Variants in CPEB1 observed in about 807,000 individuals in gnomAD.
CPEB1 encodes the protein cytoplasmic polyadenylation element binding protein 1.
CPEB1 carries 7 observed loss-of-function variants against 65.8 expected under a neutral mutation model. The ratio of observed to expected loss-of-function variants is 0.11; its 90% CI spans 0.06 to 0.20. The LOEUF is 0.20. Among genes scored for constraint, CPEB1 ranks in the 10% least tolerant of loss-of-function variants. The pLI is 1.00. For synonymous variants in CPEB1, 262 were observed against 260.0 expected (o/e 1.01, Z -0.08); for missense variants, 551 against 712.2 (o/e 0.77, Z 2.58).
chr15:82,572,422 C>T lies in CPEB1; in HGVS notation c.272-890G>A, dbSNP rs542816068. On this transcript the variant is annotated intron_variant, in intron 3 of 12. Transcript: ENST00000684509. ...AGTGGGGGAGAGTCACTGGGCTGTT[C>T]CAGGTACACCTCAAAGGACATGGCC... 6.6e-5 allele frequency among the ~76,000 whole-genome samples: 10 copies of T among 152,212 alleles called. No homozygotes were observed. In the South Asian group the frequency reaches 1.9e-3, roughly 28 times the overall value.
At chr15:82,571,301 C>A (rs1241531887) in intron 4 of CPEB1, 43 bp downstream of exon 4, 1 of 1,581,994 alleles carries the variant, frequency 6.3e-7, no homozygotes, top group South Asian at 1.2e-5. Context: ...TCACCACCCC[C>A]ATGCATCCCC....
intron 4 of CPEB1, among the ~76,000 whole-genome samples, chr15:82,558,719 A>G (rs1002537125): frequency 3.9e-5 from 6 of 152,142 alleles, no homozygotes; most frequent in Admixed American, 1.3e-4. Context: ...CAACTATTTC[A>G]TGACATTGTT....
intron 3 of CPEB1, among the ~76,000 whole-genome samples, chr15:82,591,476 A>G (rs1199913762): frequency 2.0e-5 from 3 of 152,180 alleles, no homozygotes. Flanking sequence ...ATGTTTGGCC[A>G]GGCTGGTCTC....
intron 1 of CPEB1, among the ~76,000 whole-genome samples, chr15:82,634,521 T>TTCAA (rs2046501963): frequency 6.6e-6 from 1 of 152,192 alleles, no homozygotes; most frequent in African/African-American, 2.4e-5. Context: ...CTGAAGACCC[T>TTCAA]TCAAGACTAT....
At chr15:82,581,792 G>A (rs545826435) in intron 3 of CPEB1, among the ~76,000 whole-genome samples, 1 of 152,164 alleles carries the variant, frequency 6.6e-6, no homozygotes, top group Admixed American at 6.5e-5. Flanking sequence ...TTGTTGAATT[G>A]CCATCCAAGT....
intron 1 of CPEB1, chr15:82,640,582 C>G (rs771904919): frequency 6.6e-6 from 1 of 152,160 alleles, no homozygotes; most frequent in Non-Finnish European, 1.5e-5. Flanking sequence ...TTTTACCTGC[C>G]TACTTCTGAT....
rs759530064 is a variant in CPEB1, at chr15:82,549,615, C to T, written c.1325G>A (p.Arg442Gln). Residue 442 changes from arginine to glutamine, a missense_variant, in exon 10 of 13, where the codon CGG becomes CAG. By Grantham distance (43) the Arg-to-Gln change is conservative (BLOSUM62 1). This residue lies in a region of CPEB1 where 99 missense variants were observed against 161.3 expected (regional missense o/e 0.61). Coordinates refer to ENST00000684509, the MANE Select transcript of CPEB1 (RefSeq NM_001365242.1). The part of the protein sequence containing the change: ...PWVLADSNFV[R>Q]SPSQRLDPSR... ...GGGGTCAAGCCTCTGAGATGGGCTC[C>T]GGACAAAGTTACTGTCGGCTAATAC... 15 of 1,614,150 alleles carry T rather than the reference C, an allele frequency of 9.3e-6. No individual in the cohort carries two copies. Among genetic ancestry groups the T allele is most frequent in the Non-Finnish European group, 1.1e-5 (13 of 1,180,032 alleles).
chr15:82,591,950 C>T (rs1430356678), intron 3 of CPEB1, among the ~76,000 whole-genome samples: 1 of 151,520 alleles, frequency 6.6e-6, no homozygotes, highest in African/African-American at 2.4e-5. Flanking sequence ...TTCAAGCCAT[C>T]CTCCCACCTC....
intron 1 of CPEB1, among the ~76,000 whole-genome samples, chr15:82,643,624 C>CAA (rs1373989684): frequency 3.9e-5 from 5 of 129,702 alleles, no homozygotes; most frequent in African/African-American, 1.4e-4. Context: ...GTCTCCATCT[C>CAA]AAAAAAAAAA....
intron 4 of CPEB1, among the ~76,000 whole-genome samples, chr15:82,563,100 G>C (rs181196306): frequency 2.0e-5 from 3 of 152,242 alleles, no homozygotes; most frequent in Non-Finnish European, 4.4e-5. Context: ...GTGATGGCTA[G>C]AACAAGCTGA....
intron 2 of CPEB1, among the ~76,000 whole-genome samples, chr15:82,627,710 C>T (rs900135096): frequency 6.6e-6 from 1 of 152,158 alleles, no homozygotes; most frequent in African/African-American, 2.4e-5. Context: ...AGCTGCTAAC[C>T]TCTGGGCCTT....
At chr15:82,566,496 A>G (rs997925039) in intron 4 of CPEB1, among the ~76,000 whole-genome samples, 3 of 152,054 alleles carry the variant, frequency 2.0e-5, no homozygotes, top group Non-Finnish European at 4.4e-5. Flanking sequence ...TGTGACCCCA[A>G]ATCTGCAACT....
chr15:82,548,724 C>T lies in CPEB1; in HGVS notation c.1480+736G>A, dbSNP rs141675393. 47 of 455,726 alleles carry T rather than the reference C, an allele frequency of 1.0e-4. No homozygotes were observed. In the East Asian group the frequency reaches 3.2e-3, roughly 31 times the overall value. 28.2% of individuals were successfully genotyped at this position (455,726 alleles called of 1,614,324 possible). ...CCCATCCTGCCAAGTTCCTCCTCCG[C>T]TCCTGGGGCTTCTGAAGTCCCTGTT... On this transcript the variant is annotated intron_variant, in intron 10 of 12. Transcript: ENST00000684509.
At chr15:82,644,353 T>A (rs1200579720) in intron 1 of CPEB1, among the ~76,000 whole-genome samples, 3 of 152,226 alleles carry the variant, frequency 2.0e-5, no homozygotes, top group Non-Finnish European at 4.4e-5. Context: ...TAGGCTGGGC[T>A]ACGGCACCAG....
chr15:82,572,388 C>T (rs896480609), intron 3 of CPEB1, among the ~76,000 whole-genome samples: 3 of 152,290 alleles, frequency 2.0e-5, no homozygotes, highest in South Asian at 2.1e-4. Context: ...AGGGGGTAAG[C>T]GTTGGCAGAG....
chr15:82,582,150 A>G (rs904538061), intron 3 of CPEB1, among the ~76,000 whole-genome samples: 1 of 152,250 alleles, frequency 6.6e-6, no homozygotes, highest in African/African-American at 2.4e-5. Flanking sequence ...TGGAGGCCAC[A>G]GATTCAGTAT....
At chr15:82,646,624 A>G (rs1440174438) in intron 1 of CPEB1, among the ~76,000 whole-genome samples, 1 of 152,024 alleles carries the variant, frequency 6.6e-6, no homozygotes, top group Non-Finnish European at 1.5e-5. Flanking sequence ...CGCGCCCACG[A>G]AAGCGCCCAA....
chr15:82,612,520 A>C (rs945852542), intron 3 of CPEB1, among the ~76,000 whole-genome samples: 55 of 143,924 alleles, frequency 3.8e-4, no homozygotes, highest in African/African-American at 8.0e-4. Flanking sequence ...AAAAAAAAAA[A>C]CACAGAAATT....
chr15:82,625,912 A>G (rs2045728126), intron 3 of CPEB1, among the ~76,000 whole-genome samples: 1 of 152,066 alleles, frequency 6.6e-6, no homozygotes, highest in Admixed American at 6.6e-5. Context: ...TGACGTCAGG[A>G]GTTTGAGACC....
Sources: gnomAD v4.1 joint callset for allele counts (sites outside exome capture counted in the v4.1 genomes callset) on GRCh38, gnomAD v4.1.1 for gene constraint, gnomAD v4.1.1 regional missense constraint, MANE v1.5 for transcripts, NCBI Gene and HGNC (gene_info 2026-07-23, HGNC 2026-07-21) for gene names.